The following APOL3 variants were observed in gnomAD, a reference collection of about 807,000 sequenced individuals.
APOL3 encodes apolipoprotein L3.
In APOL3, 14 loss-of-function variants were observed where a neutral mutation model predicts 11.6. The ratio of observed to expected loss-of-function variants is 1.21; its 90% CI spans 0.80 to 1.89. The LOEUF is 1.89. Among genes scored for constraint, APOL3 ranks in the 40% most tolerant of loss-of-function variants. The pLI is 0.00. For synonymous variants in APOL3, 192 were observed against 190.6 expected, an observed-to-expected ratio of 1.01 and a Z score of -0.06; for missense variants, 483 against 492.1, an observed-to-expected ratio of 0.98 and a Z score of 0.17.
intron 1 of APOL3, 93 bp downstream of exon 2, chr22:36,148,953 G>A (rs2060323297): frequency 8.1e-7 from 1 of 1,235,318 alleles, no homozygotes; most frequent in African/African-American, 1.5e-5. Flanking sequence ...TGACCATCCG[G>A]GTTCCTCTGG....
intron 2 of APOL3, among the ~76,000 whole-genome samples, chr22:36,144,853 CA>C (rs1019653298): frequency 6.7e-6 from 1 of 150,296 alleles, no homozygotes; most frequent in Non-Finnish European, 1.5e-5. Flanking sequence ...ACTAAAAATA[CA>C]AAAAAAAATA....
intron 1 of APOL3, among the ~76,000 whole-genome samples, chr22:36,150,694 C>T (rs576087644): frequency 6.6e-6 from 1 of 152,230 alleles, no homozygotes; most frequent in African/African-American, 2.4e-5. Context: ...CATAGTGAAA[C>T]CCTGTCTCTA....
At chr22:36,160,930 G>C, upstream of APOL3, 1 of 1,588,982 alleles carries the variant, frequency 6.3e-7, no homozygotes, top group Non-Finnish European at 8.6e-7. Flanking sequence ...CCCTCCTGCT[G>C]ATCCAAGAGC....
intron 1 of APOL3, chr22:36,157,117 T>C (rs1378441817): frequency 1.9e-5 from 8 of 430,938 alleles, no homozygotes; most frequent in South Asian, 3.2e-5. Flanking sequence ...CCCAGTCTTA[T>C]TACTTTTGTA....
chr22:36,153,259 C>A, intron 1 of APOL3: 1 of 354,140 alleles, frequency 2.8e-6, no homozygotes, highest in Non-Finnish European at 5.7e-6. Flanking sequence ...ACAGAAGTTA[C>A]TTTATAGTAG....
At chr22:36,164,710 A>C (rs1456344615), upstream of APOL3, 1 of 152,240 alleles carries the variant, frequency 6.6e-6, no homozygotes, top group Non-Finnish European at 1.5e-5. Flanking sequence ...ACACCAGAAT[A>C]TCATTTTAAA....
upstream of APOL3, among the ~76,000 whole-genome samples, chr22:36,161,808 C>T (rs953217101): frequency 2.6e-5 from 4 of 152,034 alleles, no homozygotes; most frequent in African/African-American, 9.7e-5. Flanking sequence ...GGGCTCTGAG[C>T]TTTTCAAGCT....
intron 2 of APOL3, among the ~76,000 whole-genome samples, chr22:36,142,676 C>T (rs2060043181): frequency 1.3e-5 from 2 of 152,112 alleles, no homozygotes; most frequent in South Asian, 4.1e-4. Context: ...TGTTAGACCT[C>T]AGGGAGGGGC....
intron 2 of APOL3, among the ~76,000 whole-genome samples, chr22:36,145,181 T>C (rs1293393837): frequency 6.6e-6 from 1 of 152,144 alleles, no homozygotes; most frequent in Non-Finnish European, 1.5e-5. Context: ...TAAAGCTCAA[T>C]GGATGAAGAA....
intron 2 of APOL3, among the ~76,000 whole-genome samples, chr22:36,145,009 C>CAAAAAAAAAA (rs1312228074): frequency 8.2e-3 from 304 of 37,130 alleles, no homozygotes; most frequent in Middle Eastern, 0.021. Flanking sequence ...GACTCTGTCT[C>CAAAAAAAAAA]AAAAAAAAAA....
intron 1 of APOL3, chr22:36,149,964 G>A (rs1291065753): frequency 4.5e-6 from 2 of 443,560 alleles, no homozygotes; most frequent in Admixed American, 2.5e-5. Context: ...ATACCACCAC[G>A]CTAGGCACAT....
chr22:36,155,027 C>T (rs1168567990), intron 1 of APOL3, among the ~76,000 whole-genome samples: 1 of 152,204 alleles, frequency 6.6e-6, no homozygotes, highest in Admixed American at 6.5e-5. Context: ...TGGACCTCCA[C>T]CTGTGTCCCC....
chr22:36,160,419 C>T (rs932911396), intron 1 of APOL3, among the ~76,000 whole-genome samples: 1 of 152,194 alleles, frequency 6.6e-6, no homozygotes, highest in African/African-American at 2.4e-5. Flanking sequence ...TAGAGCTGAG[C>T]CCTAGGAAGC....
chr22:36,149,120 A>G (rs1228361596), intron 1 of APOL3: 2 of 1,367,962 alleles, frequency 1.5e-6, no homozygotes, highest in Non-Finnish European at 9.8e-7. Flanking sequence ...CCTGACTGGA[A>G]GGGTTCGTTT....
At chr22:36,162,806 T>C (rs1215454083), upstream of APOL3, among the ~76,000 whole-genome samples, 5 of 152,210 alleles carry the variant, frequency 3.3e-5, no homozygotes, top group Admixed American at 3.3e-4. Flanking sequence ...CCTGGTAATA[T>C]CTTAGTGCTG....
At chr22:36,153,732 T>C (rs2012228817) in intron 1 of APOL3, among the ~76,000 whole-genome samples, 1 of 152,154 alleles carries the variant, frequency 6.6e-6, no homozygotes. Flanking sequence ...GTCAGTTAAT[T>C]TAGAAAGTTT....
chr22:36,155,900 GA>G, intron 1 of APOL3: 1 of 169,904 alleles, frequency 5.9e-6, no homozygotes, highest in Middle Eastern at 7.1e-4. Context: ...TCAATTCCCG[GA>G]AAGGGACTTT....
rs1603476011 is a variant in APOL3, at chr22:36,160,621, T to C, written c.223+48A>G. On this transcript the variant is annotated intron_variant, in intron 1 of 2. Transcript: ENST00000349314. ...GTGAATGACCCTTCTCTTATAGAGCTGCTGTGAGGATGGGGAGATGGGGAA... is the reference window on the plus strand; with the variant it reads ...GTGAATGACCCTTCTCTTATAGAGCCGCTGTGAGGATGGGGAGATGGGGAA... 6 of 1,586,540 alleles carry C rather than the reference T, an allele frequency of 3.8e-6. No individual in the cohort carries two copies. In the African/African-American group the frequency reaches 8.1e-5, roughly 21 times the overall value.
exon 3 of APOL3, chr22:36,140,418 C>T (rs2059946070): frequency 6.6e-6 from 1 of 152,210 alleles, no homozygotes; most frequent in South Asian, 2.1e-4. Flanking sequence ...CTCTAAACTG[C>T]TTTTCAGTTA....
Sources: gnomAD v4.1 joint callset for allele counts (sites outside exome capture counted in the v4.1 genomes callset) on GRCh38, gnomAD v4.1.1 for gene constraint, MANE v1.5 for transcripts, NCBI Gene and HGNC (gene_info 2026-07-23, HGNC 2026-07-21) for gene names.